The following BAG4 variants were observed in gnomAD, a reference collection of about 807,000 sequenced individuals.
BAG4 encodes the protein BAG family molecular chaperone regulator 4.
In BAG4, 28 loss-of-function variants were observed where a neutral mutation model predicts 52.1. That is an observed-to-expected ratio of 0.54 (90% CI 0.40 to 0.74). BAG4 has a LOEUF of 0.74. Ranked by LOEUF, BAG4 falls within the 30% of genes least tolerant of loss-of-function variation. The pLI, the probability that BAG4 is intolerant of heterozygous loss-of-function variation, is 0.00. For missense variants in BAG4, 525 were observed against 572.0 expected, an observed-to-expected ratio of 0.92 and a Z score of 0.84; for synonymous variants, 208 against 217.0, an observed-to-expected ratio of 0.96 and a Z score of 0.37.
At chr8:38,180,439 T>C (rs1390351278) in intron 1 of BAG4, among the ~76,000 whole-genome samples, 1 of 148,732 alleles carries the variant, frequency 6.7e-6, no homozygotes, top group African/African-American at 2.5e-5. Flanking sequence ...AGGAGGATCA[T>C]TTGAACCCGG....
In BAG4 at chr8:38,209,003, CT is replaced by C. The variant is rs772427870; in HGVS notation, c.634-9del. 6.2e-7 allele frequency: 1 copy of C among 1,604,060 alleles called. No homozygotes were observed. Among genetic ancestry groups the C allele is most frequent in the Non-Finnish European group, 8.5e-7 (1 of 1,174,106 alleles). On this transcript the variant is annotated splice_polypyrimidine_tract_variant and intron_variant, in intron 3 of 4. Coordinates refer to ENST00000287322, the MANE Select transcript of BAG4 (RefSeq NM_004874.4). Reference sequence around the variant, plus strand: ...CACAATGACTGGTATATTTCTTCTTCTCAATCTAGAACCCTGGAATGACCCT... The same window carrying C: ...CACAATGACTGGTATATTTCTTCTTCCAATCTAGAACCCTGGAATGACCCT...
intron 1 of BAG4, among the ~76,000 whole-genome samples, chr8:38,179,078 G>A (rs1455955518): frequency 6.6e-6 from 1 of 152,134 alleles, no homozygotes; most frequent in Non-Finnish European, 1.5e-5. Context: ...TTTTAAAAGG[G>A]TAGAGTTTAT....
chr8:38,186,025 A>G (rs1803361027), intron 1 of BAG4, among the ~76,000 whole-genome samples: 1 of 152,182 alleles, frequency 6.6e-6, no homozygotes, highest in Non-Finnish European at 1.5e-5. Flanking sequence ...AGCTCCATGT[A>G]TTCCACCTCA....
chr8:38,194,064 G>T (rs932388351), intron 2 of BAG4, among the ~76,000 whole-genome samples: 3 of 152,124 alleles, frequency 2.0e-5, no homozygotes, highest in Middle Eastern at 3.4e-3. Context: ...TAGAGATGGG[G>T]TTTCACCATG....
At chr8:38,196,334 C>G (rs1270260529) in intron 2 of BAG4, among the ~76,000 whole-genome samples, 1 of 152,092 alleles carries the variant, frequency 6.6e-6, no homozygotes, top group Admixed American at 6.6e-5. Flanking sequence ...TCTCCACATC[C>G]TTACCAATAC....
intron 2 of BAG4, among the ~76,000 whole-genome samples, chr8:38,203,552 A>G (rs1051143408): frequency 1.3e-5 from 2 of 152,062 alleles, no homozygotes; most frequent in East Asian, 1.9e-4. Flanking sequence ...CAAAGTGCTC[A>G]GATTACAGGT....
At chr8:38,177,265 G>A (rs1803176477) in intron 1 of BAG4, 126 bp downstream of exon 1, 1 of 1,302,326 alleles carries the variant, frequency 7.7e-7, no homozygotes, top group Non-Finnish European at 1.0e-6. Flanking sequence ...GTGTTGGAGA[G>A]ACCGAGACTA....
intron 2 of BAG4, chr8:38,201,989 T>C (rs1317148792): frequency 6.7e-6 from 1 of 148,828 alleles, no homozygotes; most frequent in Non-Finnish European, 1.5e-5. Context: ...GCAGTTTATG[T>C]GCTATGCAAG....
At chr8:38,196,642 C>T (rs1343823996) in intron 2 of BAG4, among the ~76,000 whole-genome samples, 1 of 151,484 alleles carries the variant, frequency 6.6e-6, no homozygotes. Flanking sequence ...CAGAGCGAGA[C>T]TCTGTCTCAA....
intron 2 of BAG4, chr8:38,201,864 ATATATATATATATATATTTTT>A (rs1563284069): frequency 3.1e-3 from 19 of 6,036 alleles, no homozygotes; most frequent in South Asian, 9.0e-3. Flanking sequence ...ATATATATAT[ATATATATATATATATATTTTT>A]TTTTTTTTTT....
At chr8:38,197,399 G>C (rs1205863615) in intron 2 of BAG4, among the ~76,000 whole-genome samples, 3 of 152,276 alleles carry the variant, frequency 2.0e-5, no homozygotes, top group Admixed American at 2.0e-4. Flanking sequence ...TAACACCATG[G>C]TTAGTACTGG....
chr8:38,179,977 T>C (rs1288424314), intron 1 of BAG4, among the ~76,000 whole-genome samples: 2 of 151,778 alleles, frequency 1.3e-5, no homozygotes, highest in Non-Finnish European at 1.5e-5. Context: ...TGGCATAGAG[T>C]TAGGGAGGGT....
intron 2 of BAG4, among the ~76,000 whole-genome samples, chr8:38,201,486 A>G (rs901029182): frequency 1.2e-4 from 18 of 152,056 alleles, no homozygotes; most frequent in African/African-American, 2.2e-4. Context: ...AATATTTTGC[A>G]GAGATGGGGT....
rs1473311498 is a variant in BAG4 at position 38,198,568 on chromosome 8, G to A, written c.378+5773G>A. On this transcript the variant is annotated intron_variant, in intron 2 of 4. Coordinates refer to ENST00000287322, the MANE Select transcript of BAG4 (RefSeq NM_004874.4). ...CAGTGGTGCGATCTCGGCTTACTGC[G>A]ACCTCCGCCTCCCAGGTTCAAGCAA... Among the ~76,000 whole-genome samples the A allele has an allele frequency of 2.5e-4, 37 of 145,668 alleles. No homozygotes were observed. The South Asian group carries it at 7.8e-3, about 31-fold the overall frequency.
rs932097181 is a variant in BAG4 at position 38,200,762 on chromosome 8, C to T, written c.379-6750C>T. Among the ~76,000 whole-genome samples the T allele has an allele frequency of 7.2e-5, 11 of 152,268 alleles. No homozygotes were observed. The East Asian group carries it at 1.5e-3, about 21-fold the overall frequency. On this transcript the variant is annotated intron_variant, in intron 2 of 4. Coordinates refer to ENST00000287322, the MANE Select transcript of BAG4 (RefSeq NM_004874.4). ...TACAGGCATGCGCCACCACGCCCGGCTAATTTTGTATTTTTAGTACAGATG... is the reference window on the plus strand; with the variant it reads ...TACAGGCATGCGCCACCACGCCCGGTTAATTTTGTATTTTTAGTACAGATG...
intron 1 of BAG4, among the ~76,000 whole-genome samples, chr8:38,183,071 G>A (rs1195962008): frequency 8.3e-6 from 1 of 120,582 alleles, no homozygotes; most frequent in South Asian, 2.7e-4. Flanking sequence ...TTTAGACAGA[G>A]TCTCTCTTTG....
At chr8:38,192,591 C>CT (rs35323611) in intron 1 of BAG4, 97 bp from the exon 2 acceptor site, 3,612 of 896,102 alleles carry the variant, frequency 4.0e-3, no homozygotes, top group Non-Finnish European at 4.5e-3. Flanking sequence ...TTGTCTATTG[C>CT]TTTTTTTTTT....
chr8:38,186,801 A>T (rs578049501), intron 1 of BAG4, among the ~76,000 whole-genome samples: 1 of 152,330 alleles, frequency 6.6e-6, no homozygotes, highest in Admixed American at 6.5e-5. Flanking sequence ...ACACTCAAAG[A>T]AAGTCTTACA....
chr8:38,189,277 G>A (rs1370264590), intron 1 of BAG4, among the ~76,000 whole-genome samples: 2 of 152,112 alleles, frequency 1.3e-5, no homozygotes, highest in Non-Finnish European at 1.5e-5. Flanking sequence ...TGAATTGGAT[G>A]GTAGTGAGTA....
Sources: allele counts gnomAD v4.1 joint callset (sites outside exome capture counted in the v4.1 genomes callset), GRCh38; gene constraint gnomAD v4.1.1; transcripts MANE v1.5; gene names NCBI Gene and HGNC (gene_info 2026-07-23, HGNC 2026-07-21).